The following BRDT variants were observed in gnomAD, a reference collection of about 807,000 sequenced individuals.
BRDT encodes the protein bromodomain testis-specific protein.
BRDT carries 77 observed loss-of-function variants against 113.9 expected under a neutral mutation model. The observed-to-expected ratio is 0.68, with a 90% CI of 0.56 to 0.82. The LOEUF (loss-of-function observed/expected upper bound fraction) is 0.82. Among genes scored for constraint, BRDT ranks in the 40% least tolerant of loss-of-function variants. The pLI is 0.00. For synonymous variants in BRDT, 358 were observed against 366.5 expected (o/e 0.98, Z 0.26); for missense variants, 1,027 against 1,105.4 (o/e 0.93, Z 1.01).
At chr1:92,000,405 G>C (rs1686730469) in intron 15 of BRDT, among the ~76,000 whole-genome samples, 2 of 152,170 alleles carry the variant, frequency 1.3e-5, no homozygotes, top group African/African-American at 4.8e-5. Flanking sequence ...AGGAAACATG[G>C]CTACATTGAG....
chr1:91,992,405 AGAGAGGC>A, intron 14 of BRDT, 91 bp downstream of exon 14: 1 of 490,536 alleles, frequency 2.0e-6, no homozygotes. Flanking sequence ...AATAGCATGA[AGAGAGGC>A]AAAAAAAAAA....
intron 2 of BRDT, 116 bp from the exon 3 acceptor site, chr1:91,964,511 A>T: frequency 1.5e-6 from 1 of 656,954 alleles, no homozygotes; most frequent in African/African-American, 1.9e-5. Context: ...TGGCTTTTTA[A>T]AGATAATCAG....
rs1434725982 is a variant in BRDT, at chr1:91,976,398, A to G, written c.578A>G (p.Gln193Arg). Reference protein sequence around the residue: ...KTSISPLNVVQGASVNSSSQT... With the variant: ...KTSISPLNVVRGASVNSSSQT... ...TCTATTTCTCCCTTGAACGTGGTAC[A>G]GGGAGCTTCAGTCAACTCCAGTTCA... The change falls in exon 5 of 19, where the codon CAG (glutamine) becomes CGG (arginine). Residue 193 changes from glutamine (Q) to arginine (R), a missense_variant. Transcript: ENST00000399546. 5 of 1,602,306 alleles carry G rather than the reference A, an allele frequency of 3.1e-6. No homozygotes were observed. The highest frequency in any genetic ancestry group is 1.7e-5 in the Admixed American group (1 of 57,404).
In BRDT at chr1:91,980,807, C is replaced by A; in HGVS notation, c.1452C>A (p.Ser484=). The A allele has an allele frequency of 6.3e-7, 1 of 1,591,742 alleles. No individual in the cohort carries two copies. The highest frequency in any genetic ancestry group is 8.5e-7 in the Non-Finnish European group (1 of 1,174,322). Residue 484 remains serine, a synonymous_variant, in exon 9 of 19, where the codon TCC becomes TCA. Transcript: ENST00000399546. ...AGCAAATGAGGCTAAAGGAAAAGTC[C>A]AAGAGAAAGTAAGTATCTTTTATTA... ...MCEQMRLKEK[S]KRNQPKKRKQ... is the part of the protein sequence containing the mutation.
intron 2 of BRDT, 66 bp from the exon 3 acceptor site, chr1:91,964,561 C>A (rs985277431): frequency 1.9e-6 from 2 of 1,032,002 alleles, no homozygotes; most frequent in Admixed American, 6.2e-5. Flanking sequence ...CATTAAATTT[C>A]TTTGTGTATC....
chr1:91,998,353 T>C (rs1440669817), intron 15 of BRDT, among the ~76,000 whole-genome samples: 3 of 152,056 alleles, frequency 2.0e-5, no homozygotes, highest in African/African-American at 7.2e-5. Flanking sequence ...CTGGGGCCTG[T>C]TGGGGGATGG....
At chr1:91,982,111 C>T (rs17576636) in intron 12 of BRDT, among the ~76,000 whole-genome samples, 37,191 of 152,070 alleles carry the variant, frequency 0.24, 5,780 homozygotes, top group Admixed American at 0.35. Context: ...GAGCACCTTT[C>T]GCTTTACTCT....
intron 18 of BRDT, among the ~76,000 whole-genome samples, chr1:92,007,591 T>C (rs1254235066): frequency 2.0e-5 from 3 of 152,232 alleles, no homozygotes; most frequent in South Asian, 2.1e-4. Context: ...ACAGAGCATT[T>C]TTTTAGTCCA....
intron 4 of BRDT, among the ~76,000 whole-genome samples, chr1:91,972,946 A>G (rs1683769359): frequency 6.6e-6 from 1 of 152,192 alleles, no homozygotes; most frequent in South Asian, 2.1e-4. Context: ...AAATGTGACA[A>G]TGGCATGGAA....
At chr1:92,012,290 T>TC (rs1216120279) in intron 18 of BRDT, among the ~76,000 whole-genome samples, 1 of 132,544 alleles carries the variant, frequency 7.5e-6, no homozygotes, top group African/African-American at 2.9e-5. Flanking sequence ...AGAGCAAAAC[T>TC]CCATCTAGAA....
chr1:91,994,390 A>G (rs1356734221), intron 15 of BRDT, 136 bp downstream of exon 15: 1 of 720,840 alleles, frequency 1.4e-6, no homozygotes, highest in African/African-American at 1.8e-5. Flanking sequence ...ATTCCAGGTT[A>G]CAAATAATCA....
chr1:91,995,090 C>T (rs1367156057), intron 15 of BRDT, among the ~76,000 whole-genome samples: 2 of 151,986 alleles, frequency 1.3e-5, no homozygotes, highest in Non-Finnish European at 2.9e-5. Context: ...TTTTGCCTGT[C>T]TCAACTTGGT....
At chr1:91,957,022 A>G (rs1681847679) in intron 1 of BRDT, among the ~76,000 whole-genome samples, 2 of 151,918 alleles carry the variant, frequency 1.3e-5, no homozygotes, top group Admixed American at 6.6e-5. Context: ...TAGGTAATTT[A>G]TAGGTACTAT....
chr1:92,012,649 G>T (rs891020304), intron 18 of BRDT, among the ~76,000 whole-genome samples: 1 of 152,228 alleles, frequency 6.6e-6, no homozygotes, highest in Non-Finnish European at 1.5e-5. Context: ...AATGGCTCAT[G>T]CCTGTAATCC....
At chr1:91,974,380 T>A (rs1188746797) in intron 4 of BRDT, among the ~76,000 whole-genome samples, 12 of 152,154 alleles carry the variant, frequency 7.9e-5, no homozygotes, top group Non-Finnish European at 1.6e-4. Flanking sequence ...TTTTGCAATC[T>A]ACTCATCTGA....
At position 91,976,387 on chromosome 1, in the gene BRDT, G is replaced by A; in HGVS notation, c.567G>A (p.Leu189=). The A allele has an allele frequency of 6.2e-7, 1 of 1,611,226 alleles. No homozygotes were observed. Among genetic ancestry groups the A allele is most frequent in the African/African-American group, 1.3e-5 (1 of 74,732 alleles). The change falls in exon 5 of 19, where the codon TTG becomes TTA. Residue 189 remains leucine (L), a synonymous_variant. Transcript: ENST00000399546. ...TTCCTAAGACATCTATTTCTCCCTT[G>A]AACGTGGTACAGGGAGCTTCAGTCA... ...SVFPKTSISP[L]NVVQGASVNS... is the part of the protein sequence containing the mutation.
At chr1:92,009,606 G>A (rs1031975546) in intron 18 of BRDT, among the ~76,000 whole-genome samples, 1 of 133,330 alleles carries the variant, frequency 7.5e-6, no homozygotes, top group Non-Finnish European at 1.5e-5. Flanking sequence ...CTGGAGTGCA[G>A]CGCCATGATC....
chr1:92,001,281 A>C (rs575832364), intron 15 of BRDT, among the ~76,000 whole-genome samples: 1 of 152,248 alleles, frequency 6.6e-6, no homozygotes, highest in Non-Finnish European at 1.5e-5. Flanking sequence ...CCCAGTGCTT[A>C]GTACATAGTA....
intron 15 of BRDT, among the ~76,000 whole-genome samples, chr1:91,999,070 G>A (rs1322275452): frequency 6.6e-6 from 1 of 152,064 alleles, no homozygotes; most frequent in Non-Finnish European, 1.5e-5. Flanking sequence ...AAGGAAAGGA[G>A]AATATAGAGA....
Sources: gnomAD v4.1 joint callset for allele counts (sites outside exome capture counted in the v4.1 genomes callset) on GRCh38, gnomAD v4.1.1 for gene constraint, MANE v1.5 for transcripts, NCBI Gene and HGNC (gene_info 2026-07-23, HGNC 2026-07-21) for gene names.